MTHFSD: variants seen among roughly 807,000 people sequenced by gnomAD.
The protein encoded by MTHFSD is methenyltetrahydrofolate synthetase domain containing.
A neutral mutation model predicts 31.1 loss-of-function variants in MTHFSD; 37 were observed. The observed-to-expected ratio is 1.19, with a 90% CI of 0.91 to 1.56. MTHFSD has a LOEUF of 1.56. MTHFSD is among the 40% of genes most tolerant of loss of function. MTHFSD has a pLI of 0.00. For missense variants in MTHFSD, 664 were observed against 510.1 expected, an observed-to-expected ratio of 1.30 and a Z score of -2.91; for synonymous variants, 221 against 206.9, an observed-to-expected ratio of 1.07 and a Z score of -0.59.
Position 86,542,898 on chromosome 16 carries a change from A to G in MTHFSD, c.443-685T>C, listed in dbSNP as rs1971722038. Among the ~76,000 whole-genome samples the G allele has an allele frequency of 6.6e-6, 1 of 152,198 alleles. No homozygotes were observed. The highest frequency in any genetic ancestry group is 2.4e-5 in the African/African-American group (1 of 41,458). On this transcript the variant is annotated intron_variant, in intron 5 of 7. Coordinates refer to ENST00000360900, the MANE Select transcript of MTHFSD (RefSeq NM_001159377.2). The surrounding 1 kb of genome is among the most constrained non-coding windows in gnomAD (Gnocchi z 4.6). ...ATCAAATGCCTTCTGGCCCCCATGG[A>G]GAAGCTACAATTCCGCTTATGAGAA...
At chr16:86,544,583 T>C (rs1226550150) in intron 5 of MTHFSD, among the ~76,000 whole-genome samples, 1 of 152,160 alleles carries the variant, frequency 6.6e-6, no homozygotes, top group Non-Finnish European at 1.5e-5. Context: ...TGTGGAGAGA[T>C]AGGAACACTT....
intron 2 of MTHFSD, among the ~76,000 whole-genome samples, chr16:86,554,119 A>C (rs1025743745): frequency 2.6e-5 from 4 of 152,078 alleles, no homozygotes; most frequent in Non-Finnish European, 5.9e-5. Flanking sequence ...AACCCTCTCC[A>C]ATCCCCTTCC....
chr16:86,546,800 A>G, intron 4 of MTHFSD, 151 bp from the exon 5 acceptor site: 1 of 688,722 alleles, frequency 1.5e-6, no homozygotes, highest in Non-Finnish European at 2.5e-6. Context: ...GTTTCAGGAG[A>G]AGCCGCATTC....
chr16:86,539,886 G>A (rs532724050), intron 7 of MTHFSD, among the ~76,000 whole-genome samples: 3 of 152,220 alleles, frequency 2.0e-5, no homozygotes, highest in South Asian at 2.1e-4. Flanking sequence ...AGATATTCCA[G>A]TAAGATAGCC....
At chr16:86,554,525 A>C (rs1036756213) in intron 2 of MTHFSD, 120 bp downstream of exon 2, 2 of 801,634 alleles carry the variant, frequency 2.5e-6, no homozygotes, top group African/African-American at 3.4e-5. Context: ...ATTTCACACC[A>C]CTGCTCACTG....
Position 86,548,575 on chromosome 16 carries a change from G to C in MTHFSD, c.240C>G (p.Ser80Arg), listed in dbSNP as rs1239185632. Residue 80 changes from serine to arginine, a missense_variant and splice_region_variant, in exon 4 of 8, where the codon AGC (serine) becomes AGG (arginine). Ser to Arg is a moderately radical substitution (Grantham distance 110, BLOSUM62 -1). Transcript: ENST00000360900. Reference sequence around the variant, plus strand: ...GTGTTGGAACCAACAATGTTTTTTTGCTCTTTTAAAGAAAAGACAATCAAT... The same window carrying C: ...GTGTTGGAACCAACAATGTTTTTTTCCTCTTTTAAAGAAAAGACAATCAAT... ...LEGVRLLVLQ[S>R]KKTLLVPTPR... The C allele has an allele frequency of 6.2e-7, 1 of 1,604,782 alleles. No individual in the cohort carries two copies. The highest frequency in any genetic ancestry group is 8.5e-7 in the Non-Finnish European group (1 of 1,176,624).
At chr16:86,554,574 T>G (rs1567562040) in intron 2 of MTHFSD, 71 bp downstream of exon 2, 4 of 1,182,018 alleles carry the variant, frequency 3.4e-6, no homozygotes, top group Non-Finnish European at 5.0e-6. Context: ...AGTAAGAGAA[T>G]TTTATTACTA....
chr16:86,554,770 A>C lies in MTHFSD; in HGVS notation c.17-19T>G. 2 of 1,586,920 alleles carry C rather than the reference A, an allele frequency of 1.3e-6. No homozygotes were observed. The highest frequency in any genetic ancestry group is 1.1e-5 in the South Asian group (1 of 90,310). The stretch of plus-strand genomic sequence containing the variant: ...ACACCTACTGCAACAAAAGATTCCC[A>C]CTTAATAACATACAAAGGAATTCCA... On this transcript the variant is annotated intron_variant, in intron 1 of 7. Transcript: ENST00000360900.
intron 6 of MTHFSD, 90 bp from the exon 7 acceptor site, chr16:86,541,912 T>A: frequency 6.4e-7 from 1 of 1,551,050 alleles, no homozygotes; most frequent in Non-Finnish European, 8.8e-7. Context: ...TGAGGCTGGC[T>A]AGAGAAGCAC....
At chr16:86,550,069 C>T (rs1388984149) in intron 3 of MTHFSD, among the ~76,000 whole-genome samples, 1 of 152,238 alleles carries the variant, frequency 6.6e-6, no homozygotes, top group East Asian at 1.9e-4. Flanking sequence ...ACTGTCCAGT[C>T]AGACACTGGC....
At chr16:86,540,391 T>C (rs1323848509) in intron 7 of MTHFSD, among the ~76,000 whole-genome samples, 2 of 152,230 alleles carry the variant, frequency 1.3e-5, no homozygotes, top group Non-Finnish European at 2.9e-5. Context: ...GGAGGATATA[T>C]TCACCTAACG....
At chr16:86,553,776 A>C (rs1597389064) in intron 2 of MTHFSD, 1 of 153,044 alleles carries the variant, frequency 6.5e-6, no homozygotes, top group Non-Finnish European at 1.5e-5. Context: ...CTCCACCTGC[A>C]GCCCCAGTGC....
intron 7 of MTHFSD, chr16:86,541,312 G>T: frequency 2.3e-6 from 2 of 858,236 alleles, no homozygotes; most frequent in Non-Finnish European, 3.2e-6. Flanking sequence ...AAAAAATCTG[G>T]ATTTAAAAAG....
At chr16:86,535,894 G>A (rs550331208) in intron 7 of MTHFSD, among the ~76,000 whole-genome samples, 1 of 152,188 alleles carries the variant, frequency 6.6e-6, no homozygotes, top group African/African-American at 2.4e-5. Context: ...GTGTCACCCA[G>A]GCTGGAGTAC....
chr16:86,544,976 T>C (rs927686974), intron 5 of MTHFSD, among the ~76,000 whole-genome samples: 2 of 152,210 alleles, frequency 1.3e-5, no homozygotes, highest in African/African-American at 2.4e-5. Context: ...TAGCACTGCA[T>C]GTTCTCACTC....
chr16:86,541,184 G>A (rs1166341199), intron 7 of MTHFSD: 3 of 1,289,518 alleles, frequency 2.3e-6, no homozygotes, highest in Non-Finnish European at 3.0e-6. Flanking sequence ...TTTGCAACCT[G>A]TGCCATTACC....
chr16:86,532,544 G>A (rs998516953), intron 7 of MTHFSD, 63 bp from the exon 8 acceptor site: 218 of 1,276,524 alleles, frequency 1.7e-4, no homozygotes, highest in African/African-American at 7.7e-4. Context: ...TGCCACACAC[G>A]CATCCACACC....
rs1336190357 is a variant in MTHFSD, at chr16:86,541,286, G to A, written c.681+411C>T. 1.5e-5 allele frequency: 16 copies of A among 1,040,738 alleles called. 1 individual carries two copies. Among genetic ancestry groups the A allele is most frequent in the Middle Eastern group, 2.5e-4 (1 of 3,990 alleles). 64.5% of individuals were successfully genotyped at this position (1,040,738 alleles called of 1,614,324 possible). ...CTAGATCTGCTTGAAGATCCAGATCGTCAGTAAAAAAAAAAAAAAAATCTG... is the reference window on the plus strand; with the variant it reads ...CTAGATCTGCTTGAAGATCCAGATCATCAGTAAAAAAAAAAAAAAAATCTG... On this transcript the variant is annotated intron_variant, in intron 7 of 7. Transcript: ENST00000360900.
At chr16:86,554,845 G>C in intron 1 of MTHFSD, 94 bp from the exon 2 acceptor site, 1 of 1,165,394 alleles carries the variant, frequency 8.6e-7, no homozygotes, top group Non-Finnish European at 1.2e-6. Context: ...CCCGCGTGTA[G>C]GTCAAACCGG....
Sources: allele counts gnomAD v4.1 joint callset (sites outside exome capture counted in the v4.1 genomes callset), GRCh38; gene constraint gnomAD v4.1.1; non-coding constraint Gnocchi (gnomAD v3.1); transcripts MANE v1.5; gene names NCBI Gene and HGNC (gene_info 2026-07-23, HGNC 2026-07-21).